RASSF2: variants seen among roughly 807,000 people sequenced by gnomAD.
RASSF2 encodes Ras association domain family member 2.
In RASSF2, 34 loss-of-function variants were observed where a neutral mutation model predicts 46.3. The ratio of observed to expected loss-of-function variants is 0.73; its 90% CI spans 0.56 to 0.98. The LOEUF (loss-of-function observed/expected upper bound fraction) is 0.98, where lower values mean the gene tolerates loss of function less well. Among genes scored for constraint, RASSF2 ranks in the 50% least tolerant of loss-of-function variants. The probability of loss-of-function intolerance (pLI) is 0.00; values close to 1 mark genes in which losing one functional copy is unlikely to be tolerated. For missense variants in RASSF2, 364 were observed against 431.2 expected, an observed-to-expected ratio of 0.84 and a Z score of 1.38; for synonymous variants, 158 against 162.5, an observed-to-expected ratio of 0.97 and a Z score of 0.21.
intron 8 of RASSF2, among the ~76,000 whole-genome samples, chr20:4,788,840 T>C (rs1298850083): frequency 1.3e-5 from 2 of 152,212 alleles, no homozygotes; most frequent in African/African-American, 4.8e-5. Context: ...GTGCCAGGCA[T>C]AGTTCTACAA....
rs550278830 is a variant in RASSF2, at chr20:4,795,570, C to A, written c.287+245G>T. 2 of 400,266 alleles carry A rather than the reference C, an allele frequency of 5.0e-6. No homozygotes were observed. Among genetic ancestry groups the A allele is most frequent in the African/African-American group, 4.2e-5 (2 of 47,806 alleles). 24.8% of individuals were successfully genotyped at this position (400,266 alleles called of 1,614,324 possible). On this transcript the variant is annotated intron_variant, in intron 5 of 11. Transcript: ENST00000379400. The surrounding 1 kb of genome is among the most constrained non-coding windows in gnomAD (Gnocchi z 4.0). ...AGGACTCTGACTCAGCAGCTCCCCT[C>A]GTATGACTCAGCAGCTCCCCTCCTG...
intron 2 of RASSF2, among the ~76,000 whole-genome samples, chr20:4,805,214 T>C (rs1377461578): frequency 1.3e-5 from 2 of 152,018 alleles, no homozygotes; most frequent in Non-Finnish European, 2.9e-5. Context: ...ATGAAGGATC[T>C]TGAAACGAAG....
In RASSF2 at chr20:4,812,153, T is replaced by G. The variant is rs541564203; in HGVS notation, c.-33+10176A>C. The stretch of plus-strand genomic sequence containing the variant: ...AGAGATGGCAAGAGATGCCAGATCA[T>G]GCTTCCCAAACCCAAGCCTGTCCTG... On this transcript the variant is annotated intron_variant, in intron 2 of 11. Transcript: ENST00000379400. This position sits in a 1 kb window ranked among gnomAD's most constrained non-coding sequence, Gnocchi z 4.0. 1.3e-5 allele frequency among the ~76,000 whole-genome samples: 2 copies of G among 152,288 alleles called. No homozygotes were observed. The highest frequency in any genetic ancestry group is 3.9e-4 in the East Asian group (2 of 5,178).
chr20:4,820,441 G>T (rs1357700992), intron 2 of RASSF2, among the ~76,000 whole-genome samples: 1 of 152,094 alleles, frequency 6.6e-6, no homozygotes, highest in African/African-American at 2.4e-5. Context: ...GGCCCAGGAG[G>T]TTGAGGCTGC....
chr20:4,817,088 A>G (rs1470598231), intron 2 of RASSF2, among the ~76,000 whole-genome samples: 1 of 152,172 alleles, frequency 6.6e-6, no homozygotes, highest in Non-Finnish European at 1.5e-5. Flanking sequence ...CTGGGCAACA[A>G]GAGTGAAACT....
chr20:4,784,663 G>A (rs3827125), intron 11 of RASSF2, among the ~76,000 whole-genome samples: 16,879 of 149,528 alleles, frequency 0.11, 953 homozygotes, highest in East Asian at 0.19. Flanking sequence ...AATTCAGTGC[G>A]TTTGCTTACT....
intron 2 of RASSF2, among the ~76,000 whole-genome samples, chr20:4,816,793 T>C (rs1270651739): frequency 6.6e-6 from 1 of 152,112 alleles, no homozygotes; most frequent in South Asian, 2.1e-4. Context: ...AAATAGCACA[T>C]AGTTTGGTAA....
At chr20:4,787,567 T>C (rs532981945) in intron 10 of RASSF2, 66 bp downstream of exon 10, 1 of 1,604,448 alleles carries the variant, frequency 6.2e-7, no homozygotes. Context: ...TATACCCCAG[T>C]TACAGGTGGT....
chr20:4,800,882 G>C, intron 3 of RASSF2, 90 bp downstream of exon 3: 1 of 1,085,056 alleles, frequency 9.2e-7, no homozygotes, highest in Non-Finnish European at 1.4e-6. Flanking sequence ...TATACAGTGG[G>C]GGGCCCTCTG....
At position 4,787,401 on chromosome 20, in the gene RASSF2, C is replaced by A. The variant is rs184561795; in HGVS notation, c.813+232G>T. On this transcript the variant is annotated intron_variant, in intron 10 of 11. Transcript: ENST00000379400. ...ACCCATACTTAGAGTAGAGCCATTG[C>A]TACTAGACCACAGAATCATGGGCAA... Among the ~76,000 whole-genome samples the A allele has an allele frequency of 3.9e-3, 592 of 152,308 alleles. 1 individual carries two copies. The highest frequency in any genetic ancestry group is 7.3e-3 in the South Asian group (35 of 4,824).
intron 2 of RASSF2, among the ~76,000 whole-genome samples, chr20:4,806,349 T>C (rs1471754366): frequency 6.6e-6 from 1 of 152,240 alleles, no homozygotes; most frequent in Non-Finnish European, 1.5e-5. Context: ...CGGTGCCTGC[T>C]GTCGGCAGCC....
chr20:4,794,341 G>A (rs192598096), intron 5 of RASSF2, among the ~76,000 whole-genome samples: 2 of 152,196 alleles, frequency 1.3e-5, no homozygotes, highest in Non-Finnish European at 2.9e-5. Context: ...GGTCAAGGAA[G>A]GTGGATATCT....
rs557864018 is a variant in RASSF2, at chr20:4,792,879, G to A, written c.288-252C>T. ...CGGAGGGAGAAGATGTTCTTTTGCA[G>A]CAACTGCAGTAACACACCCAACCAA... On this transcript the variant is annotated intron_variant, in intron 5 of 11. Coordinates refer to ENST00000379400, the MANE Select transcript of RASSF2 (RefSeq NM_014737.3). 3.5e-5 allele frequency: 22 copies of A among 630,214 alleles called. 1 individual carries two copies. The South Asian group carries it at 4.4e-4, about 13-fold the overall frequency. 39.0% of individuals were successfully genotyped at this position (630,214 alleles called of 1,614,324 possible). A position where few individuals can be genotyped will look rare whatever the true frequency, so the allele number is the denominator to read the frequency against.
chr20:4,793,097 G>A (rs1244608895), intron 5 of RASSF2: 1 of 166,836 alleles, frequency 6.0e-6, no homozygotes, highest in Non-Finnish European at 1.3e-5. Flanking sequence ...CATTCAAAAG[G>A]AATGGAAAGT....
intron 11 of RASSF2, among the ~76,000 whole-genome samples, chr20:4,784,592 C>CA (rs71197728): frequency 0.013 from 1,169 of 89,030 alleles, 2 homozygotes; most frequent in Middle Eastern, 0.036. Flanking sequence ...AACATCTAGC[C>CA]AAAAAAAAAA....
Position 4,795,815 on chromosome 20 carries a change from C to T in RASSF2, c.287G>A (p.Gly96Glu). 1.2e-6 allele frequency: 2 copies of T among 1,609,822 alleles called. No individual in the cohort carries two copies. Among genetic ancestry groups the T allele is most frequent in the Non-Finnish European group, 1.7e-6 (2 of 1,177,538 alleles). The change falls in exon 5 of 12, where the codon GGA (glycine) becomes GAA (glutamate). Residue 96 changes from glycine to glutamate, a missense_variant and splice_region_variant. By Grantham distance (98) the Gly-to-Glu change is moderately conservative. Coordinates refer to ENST00000379400, the MANE Select transcript of RASSF2 (RefSeq NM_014737.3). The surrounding 1 kb of genome is among the most constrained non-coding windows in gnomAD (Gnocchi z 4.0). ...CCCTGCCCCGTCTCTCCTCACTCACCCCTGAGCCCCCAGGTTACAGCCAGA... is the reference window on the plus strand; with the variant it reads ...CCCTGCCCCGTCTCTCCTCACTCACTCCTGAGCCCCCAGGTTACAGCCAGA... ...WHSGCNLGAQ[G>E]TTLKPLTVPK...
chr20:4,820,172 T>C (rs940366301), intron 2 of RASSF2, among the ~76,000 whole-genome samples: 2 of 152,142 alleles, frequency 1.3e-5, no homozygotes, highest in African/African-American at 2.4e-5. Context: ...AAACCAGCCG[T>C]GAGACCTGTG....
intron 11 of RASSF2, among the ~76,000 whole-genome samples, chr20:4,785,586 C>G: frequency 6.6e-6 from 1 of 152,188 alleles, no homozygotes; most frequent in African/African-American, 2.4e-5. Context: ...AATGCAATTT[C>G]CAGAAGATAA....
At position 4,781,931 on chromosome 20, in the gene RASSF2, C is replaced by A. The variant is rs3746673; in HGVS notation, c.*2342G>T. On this transcript the variant is annotated 3_prime_UTR_variant, in exon 12 of 12. Coordinates refer to ENST00000379400, the MANE Select transcript of RASSF2 (RefSeq NM_014737.3). ...TTCAACTGCTGCTATTTCAAAGAAC[C>A]CTTCCAAAATTTCTGATCAGGTTCT... 1.3e-5 allele frequency: 2 copies of A among 152,160 alleles called. No homozygotes were observed. The highest frequency in any genetic ancestry group is 2.1e-4 in the South Asian group (1 of 4,820). The allele number at this position is 152,160 out of a possible 1,614,324, so 9.4% of individuals were successfully genotyped here.
Sources: allele counts gnomAD v4.1 joint callset (sites outside exome capture counted in the v4.1 genomes callset), GRCh38; gene constraint gnomAD v4.1.1; non-coding constraint Gnocchi (gnomAD v3.1); transcripts MANE v1.5; gene names NCBI Gene and HGNC (gene_info 2026-07-23, HGNC 2026-07-21).